FDFT1: variants seen among roughly 807,000 people sequenced by gnomAD.
FDFT1 encodes the protein squalene synthase.
FDFT1 carries 68 observed loss-of-function variants against 46.8 expected under a neutral mutation model. The ratio of observed to expected loss-of-function variants is 1.45; its 90% CI spans 1.19 to 1.78. The LOEUF is 1.78. Among genes scored for constraint, FDFT1 ranks in the 40% most tolerant of loss-of-function variants. FDFT1 has a pLI of 0.00. For synonymous variants in FDFT1, 351 were observed against 185.1 expected (o/e 1.90, Z -7.28); for missense variants, 928 against 524.4 (o/e 1.77, Z -7.52).
chr8:11,815,964 T>G (rs938045994), intron 3 of FDFT1, among the ~76,000 whole-genome samples: 1 of 152,218 alleles, frequency 6.6e-6, no homozygotes, highest in African/African-American at 2.4e-5. Flanking sequence ...CTGAATGGTA[T>G]TGACTGCATT....
At chr8:11,806,118 C>G (rs560462973) in intron 1 of FDFT1, among the ~76,000 whole-genome samples, 3 of 152,276 alleles carry the variant, frequency 2.0e-5, no homozygotes, top group African/African-American at 7.2e-5. Flanking sequence ...GTGGAACTTT[C>G]AGCCTGAGGC....
chr8:11,795,913 CTG>C (rs1334480410), exon 1 of FDFT1: 1 of 152,578 alleles, frequency 6.6e-6, no homozygotes, highest in African/African-American at 2.4e-5. Flanking sequence ...CCTTTAAGAA[CTG>C]TAACACTCAC....
chr8:11,808,680 G>A (rs1431770429), intron 1 of FDFT1, 114 bp from the exon 2 acceptor site: 4 of 1,489,102 alleles, frequency 2.7e-6, no homozygotes, highest in African/African-American at 2.8e-5. Context: ...TCGGGGAGAG[G>A]GCGGCAGGCT....
intron 3 of FDFT1, among the ~76,000 whole-genome samples, chr8:11,815,761 G>A (rs1389460031): frequency 2.0e-5 from 3 of 152,044 alleles, no homozygotes; most frequent in African/African-American, 7.3e-5. Context: ...TGTAGATTCT[G>A]GATACTACCC....
At chr8:11,796,172 A>G (rs1318583708) in intron 1 of FDFT1, among the ~76,000 whole-genome samples, 1 of 152,248 alleles carries the variant, frequency 6.6e-6, no homozygotes, top group Non-Finnish European at 1.5e-5. Context: ...GCTAAACAAA[A>G]TACAAAGCCA....
chr8:11,821,006 A>G (rs555684060), intron 3 of FDFT1, among the ~76,000 whole-genome samples: 1 of 152,070 alleles, frequency 6.6e-6, no homozygotes, highest in Non-Finnish European at 1.5e-5. Context: ...CTTGGAAGCA[A>G]CTCTGGGTCT....
chr8:11,819,771 T>A (rs549402610), intron 3 of FDFT1, among the ~76,000 whole-genome samples: 4 of 152,234 alleles, frequency 2.6e-5, no homozygotes, highest in African/African-American at 9.6e-5. Context: ...GTTTTAAGTT[T>A]CCTTGCGATC....
In FDFT1 at chr8:11,809,861, T is replaced by C. The variant is rs900252767; in HGVS notation, c.381+11T>C. 2 of 1,603,498 alleles carry C rather than the reference T, an allele frequency of 1.2e-6. No homozygotes were observed. Among genetic ancestry groups the C allele is most frequent in the African/African-American group, 2.7e-5 (2 of 74,670 alleles). Reference sequence around the variant, plus strand: ...GAGGACTTCCCAACGGTGAGTGGGGTTACGCATCTTGTCTACGGACTGTTG... The same window carrying C: ...GAGGACTTCCCAACGGTGAGTGGGGCTACGCATCTTGTCTACGGACTGTTG... On this transcript the variant is annotated intron_variant, in intron 3 of 7. Transcript: ENST00000220584.
chr8:11,827,977 G>A (rs1810239651), intron 5 of FDFT1, among the ~76,000 whole-genome samples: 1 of 152,186 alleles, frequency 6.6e-6, no homozygotes. Flanking sequence ...CCAGGTGAGT[G>A]GATCACTTGA....
intron 3 of FDFT1, among the ~76,000 whole-genome samples, chr8:11,814,524 T>G (rs767415265): frequency 2.6e-5 from 4 of 152,210 alleles, no homozygotes; most frequent in Non-Finnish European, 4.4e-5. Context: ...CTTCACTGTT[T>G]GCAGTATTAT....
intron 3 of FDFT1, 133 bp downstream of exon 3, chr8:11,809,983 A>T: frequency 3.1e-6 from 2 of 651,956 alleles, no homozygotes; most frequent in South Asian, 2.5e-5. Context: ...AGGGTTAAAA[A>T]CTCCGGTAGC....
chr8:11,836,775 C>A (rs921353097), intron 7 of FDFT1, among the ~76,000 whole-genome samples: 9 of 152,224 alleles, frequency 5.9e-5, no homozygotes, highest in Non-Finnish European at 1.3e-4. Context: ...GTGGCTCACG[C>A]CTGTAATCCC....
At chr8:11,836,963 G>T (rs1214215328) in intron 7 of FDFT1, among the ~76,000 whole-genome samples, 5 of 152,384 alleles carry the variant, frequency 3.3e-5, no homozygotes, top group African/African-American at 1.2e-4. Flanking sequence ...AGTAGGTGCG[G>T]TGTAGTCAGG....
intron 5 of FDFT1, 48 bp downstream of exon 5, chr8:11,826,263 T>C (rs747617278): frequency 8.7e-6 from 12 of 1,371,694 alleles, no homozygotes; most frequent in Non-Finnish European, 9.8e-6. Flanking sequence ...AGACATTCTC[T>C]GAAAAATCCT....
At chr8:11,801,738 G>T, upstream of FDFT1, 2 of 328,802 alleles carry the variant, frequency 6.1e-6, no homozygotes, top group Non-Finnish European at 5.9e-6. Flanking sequence ...CTGTTGGCCT[G>T]GCTGGAGTGC....
chr8:11,801,382 C>T (rs1252325690), upstream of FDFT1, among the ~76,000 whole-genome samples: 6 of 152,162 alleles, frequency 3.9e-5, no homozygotes, highest in African/African-American at 7.2e-5. Flanking sequence ...TGCAATAGCG[C>T]GATCTCAGCT....
intron 5 of FDFT1, among the ~76,000 whole-genome samples, chr8:11,827,655 TA>T (rs1221902755): frequency 6.6e-6 from 1 of 152,118 alleles, no homozygotes; most frequent in Non-Finnish European, 1.5e-5. Flanking sequence ...GGCAAGGAGA[TA>T]AGAACAAGAT....
At chr8:11,813,525 A>G (rs1199293953) in intron 3 of FDFT1, among the ~76,000 whole-genome samples, 1 of 152,180 alleles carries the variant, frequency 6.6e-6, no homozygotes, top group Non-Finnish European at 1.5e-5. Context: ...TTTGCCTAGG[A>G]TTACCCGTGA....
At chr8:11,807,070 G>A (rs922593416) in intron 1 of FDFT1, among the ~76,000 whole-genome samples, 1 of 147,680 alleles carries the variant, frequency 6.8e-6, no homozygotes. Context: ...CCAGAGCCCA[G>A]GGTTCACTGT....
Sources: allele counts gnomAD v4.1 joint callset (sites outside exome capture counted in the v4.1 genomes callset), GRCh38; gene constraint gnomAD v4.1.1; transcripts MANE v1.5; gene names NCBI Gene and HGNC (gene_info 2026-07-23, HGNC 2026-07-21).